Variants in SESTD1 observed in about 807,000 individuals in gnomAD.
The protein encoded by SESTD1 is SEC14 domain and spectrin repeat-containing protein 1.
A neutral mutation model predicts 101.7 loss-of-function variants in SESTD1; 43 were observed. The ratio of observed to expected loss-of-function variants is 0.42; its 90% CI spans 0.33 to 0.55. The LOEUF is 0.55. SESTD1 is among the 20% of genes least tolerant of loss of function. The pLI is 0.07. For synonymous variants in SESTD1, 283 were observed against 286.8 expected, an observed-to-expected ratio of 0.99 and a Z score of 0.13; for missense variants, 647 against 815.1, an observed-to-expected ratio of 0.79 and a Z score of 2.51.
At chr2:179,188,199 A>G (rs1357082108) in intron 2 of SESTD1, among the ~76,000 whole-genome samples, 1 of 152,192 alleles carries the variant, frequency 6.6e-6, no homozygotes, top group Admixed American at 6.6e-5. Context: ...AGTCTTGATA[A>G]ATAAAAAAAA....
chr2:179,111,825 T>C (rs1275340767), intron 17 of SESTD1, among the ~76,000 whole-genome samples: 1 of 151,532 alleles, frequency 6.6e-6, no homozygotes, highest in African/African-American at 2.4e-5. Context: ...GTTCATGCCA[T>C]TTTCCTGCCT....
intron 2 of SESTD1, among the ~76,000 whole-genome samples, chr2:179,188,453 C>T (rs2046268554): frequency 6.6e-6 from 1 of 152,154 alleles, no homozygotes; most frequent in Non-Finnish European, 1.5e-5. Flanking sequence ...GCCTGTGCAA[C>T]ACAGCAAAAC....
chr2:179,259,334 CA>C (rs1233518648), intron 1 of SESTD1, among the ~76,000 whole-genome samples: 48 of 152,204 alleles, frequency 3.2e-4, no homozygotes, highest in African/African-American at 1.0e-3. Context: ...CGGGTTCAAG[CA>C]ATTCTCTGCC....
chr2:179,248,222 T>C (rs1345321956), intron 1 of SESTD1, among the ~76,000 whole-genome samples: 2 of 152,076 alleles, frequency 1.3e-5, no homozygotes, highest in Non-Finnish European at 2.9e-5. Flanking sequence ...ACCCATCTAA[T>C]ATAAAATAGA....
intron 4 of SESTD1, among the ~76,000 whole-genome samples, chr2:179,173,534 A>T (rs190900557): frequency 6.6e-6 from 1 of 152,302 alleles, no homozygotes; most frequent in Non-Finnish European, 1.5e-5. Context: ...AGTAGATCTC[A>T]TTCTCTTAAT....
chr2:179,178,846 A>T (rs2046058259), intron 3 of SESTD1, among the ~76,000 whole-genome samples: 1 of 152,212 alleles, frequency 6.6e-6, no homozygotes, highest in Admixed American at 6.5e-5. Context: ...TGTTAAATAC[A>T]TTTTATACAA....
intron 15 of SESTD1, 22 bp downstream of exon 15, chr2:179,116,646 A>G (rs761735275): frequency 6.2e-7 from 1 of 1,614,022 alleles, no homozygotes; most frequent in Admixed American, 1.7e-5. Context: ...CTTGTGGAAA[A>G]GGAAGATAAC....
intron 1 of SESTD1, among the ~76,000 whole-genome samples, chr2:179,207,168 C>A (rs1339455906): frequency 7.5e-6 from 1 of 134,150 alleles, no homozygotes; most frequent in African/African-American, 3.0e-5. Flanking sequence ...ACAACCAAAC[C>A]GGAGAAACCA....
rs554440478 is a variant in SESTD1, at chr2:179,244,713, GA to G, written c.-26+19785del. ...GATAATGGTAAAAGAGGAAACCACAGAAAAGCGGGAACAAACAAAAAAAGGT... is the reference window on the plus strand; with the variant it reads ...GATAATGGTAAAAGAGGAAACCACAGAAAGCGGGAACAAACAAAAAAAGGT... On this transcript the variant is annotated intron_variant, in intron 1 of 17. Coordinates refer to ENST00000428443, the MANE Select transcript of SESTD1 (RefSeq NM_178123.5). Among the ~76,000 whole-genome samples, 312 of 152,274 alleles carry G rather than the reference GA, an allele frequency of 2.0e-3. 2 individuals carry two copies. The highest frequency in any genetic ancestry group is 7.0e-3 in the African/African-American group (290 of 41,572).
intron 1 of SESTD1, among the ~76,000 whole-genome samples, chr2:179,235,331 A>G (rs2047050853): frequency 1.3e-5 from 2 of 152,324 alleles, no homozygotes; most frequent in Admixed American, 6.5e-5. Flanking sequence ...GAAAATATGA[A>G]ACCAAATATG....
rs1575431696 is a variant in SESTD1 at position 179,132,405 on chromosome 2, G to C, written c.871C>G (p.Pro291Ala). The change falls in exon 10 of 18, where the codon CCT (proline) becomes GCT (alanine). Residue 291 changes from proline (P) to alanine (A), a missense_variant. Coordinates refer to ENST00000428443, the MANE Select transcript of SESTD1 (RefSeq NM_178123.5). Reference sequence around the variant, plus strand: ...TGGGCTCTTAGTTGTTCTGATCCAGGCCCTTCTAGCCAGTTCACCACCTAT... The same window carrying C: ...TGGGCTCTTAGTTGTTCTGATCCAGCCCCTTCTAGCCAGTTCACCACCTAT... ...VMQVVNWLEG[P>A]GSEQLRAQWG... 6.4e-7 allele frequency: 1 copy of C among 1,557,806 alleles called. No homozygotes were observed. The highest frequency in any genetic ancestry group is 1.2e-5 in the South Asian group (1 of 80,702).
intron 10 of SESTD1, among the ~76,000 whole-genome samples, chr2:179,129,414 G>A (rs545432406): frequency 5.3e-5 from 8 of 152,196 alleles, no homozygotes; most frequent in East Asian, 3.9e-4. Flanking sequence ...AAAAAACCAA[G>A]TTAACTTCTA....
rs1369914870 is a variant in SESTD1 at position 179,197,750 on chromosome 2, A to G, written c.-25-5884T>C. ...GGAGAAATAAAATCCTTTACAGACA[A>G]GCAAATGCTGAGAGATTTTGTCACC... On this transcript the variant is annotated intron_variant, in intron 1 of 17. Coordinates refer to ENST00000428443, the MANE Select transcript of SESTD1 (RefSeq NM_178123.5). 3.9e-5 allele frequency among the ~76,000 whole-genome samples: 6 copies of G among 152,164 alleles called. No individual in the cohort carries two copies. In the East Asian group the frequency reaches 1.2e-3, roughly 29 times the overall value.
chr2:179,183,680 G>C (rs2046157822), intron 2 of SESTD1, among the ~76,000 whole-genome samples: 2 of 152,006 alleles, frequency 1.3e-5, no homozygotes, highest in Admixed American at 6.6e-5. Context: ...GTTAAGACTT[G>C]AGAAAAACAG....
chr2:179,211,576 T>G (rs2046651295), intron 1 of SESTD1, among the ~76,000 whole-genome samples: 1 of 133,674 alleles, frequency 7.5e-6, no homozygotes, highest in Non-Finnish European at 1.6e-5. Flanking sequence ...GACACCCTAC[T>G]ACCCTACTAA....
intron 17 of SESTD1, among the ~76,000 whole-genome samples, chr2:179,111,016 A>G (rs2044493962): frequency 6.6e-6 from 1 of 152,216 alleles, no homozygotes. Flanking sequence ...TGAAGCAAGC[A>G]TACCAGGGAG....
At chr2:179,122,728 A>G (rs1575425571) in intron 12 of SESTD1, among the ~76,000 whole-genome samples, 1 of 151,982 alleles carries the variant, frequency 6.6e-6, no homozygotes, top group Non-Finnish European at 1.5e-5. Context: ...CATGTCTACT[A>G]TAACTACCAA....
At chr2:179,244,612 GAAGAAA>G (rs2047204075) in intron 1 of SESTD1, among the ~76,000 whole-genome samples, 1 of 152,060 alleles carries the variant, frequency 6.6e-6, no homozygotes. Flanking sequence ...ATTCTCAAAT[GAAGAAA>G]AACTAAGCAA....
chr2:179,136,549 A>G (rs2045150309), intron 9 of SESTD1, among the ~76,000 whole-genome samples: 1 of 152,230 alleles, frequency 6.6e-6, no homozygotes, highest in South Asian at 2.1e-4. Flanking sequence ...TTACAAATAC[A>G]GATATAGAAA....
Sources: gnomAD v4.1 joint callset for allele counts (sites outside exome capture counted in the v4.1 genomes callset) on GRCh38, gnomAD v4.1.1 for gene constraint, MANE v1.5 for transcripts, NCBI Gene and HGNC (gene_info 2026-07-23, HGNC 2026-07-21) for gene names.